DLG2: variants seen among roughly 807,000 people sequenced by gnomAD.
DLG2 encodes the protein discs large MAGUK scaffold protein 2.
In DLG2, 45 loss-of-function variants were observed where a neutral mutation model predicts 132.5. The ratio of observed to expected loss-of-function variants is 0.34; its 90% CI spans 0.27 to 0.44. DLG2 has a LOEUF of 0.44. DLG2 is among the 20% of genes least tolerant of loss of function. The pLI, the probability that DLG2 is intolerant of heterozygous loss-of-function variation, is 1.00. For synonymous variants in DLG2, 424 were observed against 419.6 expected, an observed-to-expected ratio of 1.01 and a Z score of -0.13; for missense variants, 1,045 against 1,196.9, an observed-to-expected ratio of 0.87 and a Z score of 1.87.
chr11:85,554,656 G>A (rs1023946507), intron 3 of DLG2, among the ~76,000 whole-genome samples: 1 of 151,800 alleles, frequency 6.6e-6, no homozygotes, highest in African/African-American at 2.4e-5. Context: ...ACTAATGAAA[G>A]CCCAAGAGAT....
At chr11:85,007,664 C>CAAAAAAAAAAAAAAA (rs57188165) in intron 6 of DLG2, among the ~76,000 whole-genome samples, 3 of 88,534 alleles carry the variant, frequency 3.4e-5, no homozygotes, top group Non-Finnish European at 6.6e-5. Context: ...GACTCCGTCT[C>CAAAAAAAAAAAAAAA]AAAAAAAAAA....
At chr11:84,844,129 GTGTGTGTA>G (rs1157075602) in intron 6 of DLG2, among the ~76,000 whole-genome samples, 3 of 25,908 alleles carry the variant, frequency 1.2e-4, no homozygotes, top group African/African-American at 3.3e-4. Context: ...GTGTGTGTGT[GTGTGTGTA>G]TATATATATA....
intron 6 of DLG2, among the ~76,000 whole-genome samples, chr11:84,645,670 T>C (rs1208683793): frequency 1.3e-5 from 2 of 152,168 alleles, no homozygotes; most frequent in African/African-American, 2.4e-5. Flanking sequence ...GGTTTCACTG[T>C]GTTAGCCAGG....
At chr11:83,668,724 A>AAC (rs10661977) in intron 18 of DLG2, among the ~76,000 whole-genome samples, 840 of 8,690 alleles carry the variant, frequency 0.097, 98 homozygotes, top group East Asian at 0.66. Flanking sequence ...TGTGTATATA[A>AAC]ACACATATAT....
chr11:83,480,336 C>CAAAGA (rs1565398722), intron 22 of DLG2: 3 of 1,523,588 alleles, frequency 2.0e-6, no homozygotes, highest in Middle Eastern at 1.7e-4. Flanking sequence ...GGGGCAATTG[C>CAAAGA]AAAGAAAATA....
chr11:83,841,343 T>C (rs942485057), intron 16 of DLG2, among the ~76,000 whole-genome samples: 2 of 152,206 alleles, frequency 1.3e-5, no homozygotes, highest in African/African-American at 4.8e-5. Flanking sequence ...GAAGGCTCTG[T>C]TACTAATCAT....
chr11:84,105,681 C>CTATATTAGT (rs1233708660), intron 9 of DLG2, among the ~76,000 whole-genome samples: 1 of 151,892 alleles, frequency 6.6e-6, no homozygotes, highest in Non-Finnish European at 1.5e-5. Flanking sequence ...AGTATTGAAA[C>CTATATTAGT]CTTAGATAAA....
intron 6 of DLG2, among the ~76,000 whole-genome samples, chr11:85,013,945 A>G (rs2059361677): frequency 6.6e-6 from 1 of 152,162 alleles, no homozygotes; most frequent in African/African-American, 2.4e-5. Context: ...TTTTTTGGTA[A>G]GAATACATAG....
intron 3 of DLG2, among the ~76,000 whole-genome samples, chr11:85,432,166 A>T (rs2091229297): frequency 6.6e-6 from 1 of 152,238 alleles, no homozygotes; most frequent in African/African-American, 2.4e-5. Context: ...AATCTCATGC[A>T]AGGATCAGCA....
At chr11:84,406,652 A>C (rs2098851676) in intron 7 of DLG2, among the ~76,000 whole-genome samples, 1 of 152,180 alleles carries the variant, frequency 6.6e-6, no homozygotes, top group South Asian at 2.1e-4. Flanking sequence ...CCTTCCTTTT[A>C]AGGCTGTTCA....
chr11:84,378,766 TAAAAATACA>T (rs2098739044), intron 7 of DLG2, among the ~76,000 whole-genome samples: 1 of 141,780 alleles, frequency 7.1e-6, no homozygotes, highest in Non-Finnish European at 1.5e-5. Flanking sequence ...CTGTCTGTAC[TAAAAATACA>T]AAAAATACAA....
chr11:84,739,979 G>T (rs1169363285), intron 6 of DLG2, among the ~76,000 whole-genome samples: 1 of 151,798 alleles, frequency 6.6e-6, no homozygotes, highest in Non-Finnish European at 1.5e-5. Context: ...CCATTGTCTT[G>T]GGGGATATTA....
At chr11:85,444,946 G>T (rs1424362785) in intron 3 of DLG2, among the ~76,000 whole-genome samples, 2 of 152,106 alleles carry the variant, frequency 1.3e-5, no homozygotes, top group African/African-American at 4.8e-5. Flanking sequence ...TGTTTACAAG[G>T]TTAAAAATAA....
intron 3 of DLG2, among the ~76,000 whole-genome samples, chr11:85,499,449 A>G (rs2093743939): frequency 6.6e-6 from 1 of 152,228 alleles, no homozygotes; most frequent in Non-Finnish European, 1.5e-5. Context: ...TGAAACAATA[A>G]TTAATAGCCT....
At position 84,384,375 on chromosome 11, in the gene DLG2, T is replaced by C. The variant is rs1035225247; in HGVS notation, c.520-133084A>G. On this transcript the variant is annotated intron_variant, in intron 7 of 27. Coordinates refer to ENST00000376104, the MANE Select transcript of DLG2 (RefSeq NM_001142699.3). ...TTTCTCATGGTTCATATGGAAAAAT[T>C]TGAGCTTTATCCAAGCAACATTAGT... Among the ~76,000 whole-genome samples the C allele has an allele frequency of 1.2e-4, 18 of 152,020 alleles. 1 individual carries two copies. Among genetic ancestry groups the C allele is most frequent in the Non-Finnish European group, 4.4e-5 (3 of 67,996 alleles).
At chr11:84,779,183 T>C (rs1199889822) in intron 6 of DLG2, among the ~76,000 whole-genome samples, 2 of 144,558 alleles carry the variant, frequency 1.4e-5, no homozygotes, top group African/African-American at 2.5e-5. Flanking sequence ...TTCTCATATA[T>C]ATATATGTGC....
At chr11:83,771,697 T>A (rs1251092537) in intron 18 of DLG2, among the ~76,000 whole-genome samples, 1 of 152,224 alleles carries the variant, frequency 6.6e-6, no homozygotes, top group East Asian at 1.9e-4. Context: ...TGATCCATTG[T>A]TAAACATTAT....
chr11:83,833,763 G>A lies in DLG2; in HGVS notation c.1573C>T (p.Arg525Cys). ...QRAVSLEGEP[R>C]KVVLHKGSTG... ...GAGCCTTTGTGCAGGACTACCTTGCGAGGCTCTCTGCAGAAAGAAATAGAG... is the reference window on the plus strand; with the variant it reads ...GAGCCTTTGTGCAGGACTACCTTGCAAGGCTCTCTGCAGAAAGAAATAGAG... The change falls in exon 17 of 28, where the codon CGC becomes TGC. Residue 525 changes from arginine to cysteine, a missense_variant. Arg to Cys is a radical substitution (Grantham distance 180). Coordinates refer to ENST00000376104, the MANE Select transcript of DLG2 (RefSeq NM_001142699.3). The A allele has an allele frequency of 1.2e-6, 2 of 1,613,640 alleles. No individual in the cohort carries two copies. The highest frequency in any genetic ancestry group is 2.2e-5 in the East Asian group (1 of 44,878).
intron 6 of DLG2, among the ~76,000 whole-genome samples, chr11:84,906,686 A>G (rs1230264399): frequency 6.6e-6 from 1 of 152,148 alleles, no homozygotes; most frequent in Admixed American, 6.5e-5. Context: ...CAAATAATCA[A>G]AGAAATACAC....
Sources: gnomAD v4.1 joint callset for allele counts (sites outside exome capture counted in the v4.1 genomes callset) on GRCh38, gnomAD v4.1.1 for gene constraint, MANE v1.5 for transcripts, NCBI Gene and HGNC (gene_info 2026-07-23, HGNC 2026-07-21) for gene names.